The following MGAM variants were observed in gnomAD, a reference collection of about 807,000 sequenced individuals.
MGAM encodes the protein alpha-1,4-glucosidase.
A neutral mutation model predicts 358.8 loss-of-function variants in MGAM; 253 were observed. That is an observed-to-expected ratio of 0.71 (90% CI 0.64 to 0.78). The LOEUF (loss-of-function observed/expected upper bound fraction) is 0.78, where lower values mean the gene tolerates loss of function less well. Ranked by LOEUF, MGAM falls within the 30% of genes least tolerant of loss-of-function variation. The pLI is 0.00. For synonymous variants in MGAM, 1,105 were observed against 1,227.1 expected, an observed-to-expected ratio of 0.90 and a Z score of 2.08; for missense variants, 3,080 against 3,432.6, an observed-to-expected ratio of 0.90 and a Z score of 2.57.
Position 142,094,755 on chromosome 7 carries a change from A to G in MGAM, c.7350A>G (p.Ala2450=). Residue 2450 remains alanine (A), a synonymous_variant, in exon 63 of 71, where the codon GCA becomes GCG. Coordinates refer to ENST00000475668, the MANE Select transcript of MGAM (RefSeq NM_001365693.1). ...FSLFGISYTG[A]DICGFFQDAE... is the part of the protein sequence containing the mutation. The stretch of plus-strand genomic sequence containing the variant: ...ATTTCCTCTTGTTTCAGACGGGAGC[A>G]GATATCTGTGGGTTCTTTCAAGATG... 1.2e-6 allele frequency: 2 copies of G among 1,613,784 alleles called. No individual in the cohort carries two copies. The highest frequency in any genetic ancestry group is 2.2e-5 in the South Asian group (2 of 91,074).
Position 142,097,983 on chromosome 7 carries a change from A to G in MGAM, c.7749+334A>G, listed in dbSNP as rs539857088. On this transcript the variant is annotated intron_variant, in intron 66 of 70. Transcript: ENST00000475668. ...CTTTTGAGATTGTGTTGCAAACTAT[A>G]GTTTTTGTTTTTAATGTTTATATCT... is the stretch of plus-strand genomic sequence containing the variant. Among the ~76,000 whole-genome samples the G allele has an allele frequency of 2.6e-5, 4 of 152,288 alleles. No individual in the cohort carries two copies. The South Asian group carries it at 8.3e-4, about 32-fold the overall frequency.
At chr7:142,016,571 G>T (rs1554456262) in intron 3 of MGAM, among the ~76,000 whole-genome samples, 1 of 151,856 alleles carries the variant, frequency 6.6e-6, no homozygotes, top group Admixed American at 6.6e-5. Context: ...AAGTCTATTT[G>T]CCTGATATTA....
In MGAM at chr7:142,090,229, G is replaced by C. The variant is rs1355296058; in HGVS notation, c.6811-1684G>C. 1.5e-4 allele frequency among the ~76,000 whole-genome samples: 22 copies of C among 145,806 alleles called. 4 individuals carry two copies. The highest frequency in any genetic ancestry group is 7.8e-5 in the Non-Finnish European group (5 of 64,392). ...CAGAACATTTTTATGAAGTTGGAAGGGGTCATCCGAGCAGTACTTAGGGAA... is the reference window on the plus strand; with the variant it reads ...CAGAACATTTTTATGAAGTTGGAAGCGGTCATCCGAGCAGTACTTAGGGAA... On this transcript the variant is annotated intron_variant, in intron 57 of 70. Coordinates refer to ENST00000475668, the MANE Select transcript of MGAM (RefSeq NM_001365693.1).
At chr7:142,026,013 A>G (rs1806931435) in intron 8 of MGAM, among the ~76,000 whole-genome samples, 1 of 152,176 alleles carries the variant, frequency 6.6e-6, no homozygotes, top group Non-Finnish European at 1.5e-5. Context: ...AAATAAGATG[A>G]GTCAGACTTA....
In MGAM at chr7:142,051,084, T is replaced by C. The variant is rs567333964; in HGVS notation, c.2805+220T>C. Among the ~76,000 whole-genome samples, 148 of 152,136 alleles carry C rather than the reference T, an allele frequency of 9.7e-4. 2 individuals are homozygous for C. The East Asian group carries it at 0.022, about 22-fold the overall frequency. ...TCTCTGCCTATCAGTGTTCCCGTCT[T>C]TCTAGCTGGTTTCACTTGCTTTTCC... On this transcript the variant is annotated intron_variant, in intron 24 of 70. Coordinates refer to ENST00000475668, the MANE Select transcript of MGAM (RefSeq NM_001365693.1).
intron 34 of MGAM, among the ~76,000 whole-genome samples, chr7:142,061,315 G>A (rs1428235277): frequency 3.9e-5 from 6 of 152,024 alleles, no homozygotes; most frequent in South Asian, 4.2e-4. Context: ...CCATCCCGTC[G>A]TTTCTAACCC....
rs773358481 is a variant in MGAM at position 142,084,529 on chromosome 7, G to A, written c.6392G>A (p.Arg2131Gln). 2.1e-5 allele frequency: 32 copies of A among 1,555,064 alleles called. 6 individuals carry two copies. Among genetic ancestry groups the A allele is most frequent in the Non-Finnish European group, 2.7e-5 (30 of 1,132,006 alleles). ...CTGTCTATTTTCTAGTTGATTGGCC[G>A]GCCTGTGATGGTACCTTACTGGTCT... ...VTQQYTELIG[R>Q]PVMVPYWSLG... The change falls in exon 54 of 71, where the codon CGG (arginine) becomes CAG (glutamine). Residue 2131 changes from arginine to glutamine, a missense_variant. Around this residue, in one of 5 missense-constraint regions of MGAM, gnomAD observed 932 missense variants for 1,198.2 expected, o/e 0.78. Coordinates refer to ENST00000475668, the MANE Select transcript of MGAM (RefSeq NM_001365693.1).
chr7:141,994,349 C>T (rs1375328437), upstream of MGAM, among the ~76,000 whole-genome samples: 1 of 152,136 alleles, frequency 6.6e-6, no homozygotes, highest in Non-Finnish European at 1.5e-5. Flanking sequence ...TCCCCTCTCC[C>T]TCAGGATTCA....
intron 57 of MGAM, among the ~76,000 whole-genome samples, chr7:142,088,783 A>ATCAT (rs1563214248): frequency 1.4e-4 from 18 of 125,558 alleles, no homozygotes; most frequent in African/African-American, 4.4e-4. Flanking sequence ...CTATCTATCT[A>ATCAT]TCTATCTATC....
intron 14 of MGAM, 55 bp downstream of exon 14, chr7:142,032,964 T>C: frequency 7.9e-7 from 1 of 1,265,180 alleles, no homozygotes; most frequent in Non-Finnish European, 1.1e-6. Flanking sequence ...ATATTATAAA[T>C]TCATAAGGAC....
rs1585068197 is a variant in MGAM at position 142,078,309 on chromosome 7, T to C, written c.5494-9T>C. The C allele has an allele frequency of 1.4e-5, 21 of 1,451,582 alleles. 6 individuals carry two copies. The highest frequency in any genetic ancestry group is 2.0e-5 in the Non-Finnish European group (21 of 1,075,884). The allele number at this position is 1,451,582 out of a possible 1,614,324, so 89.9% of individuals were successfully genotyped here. A position where few individuals can be genotyped will look rare whatever the true frequency, so the allele number is the denominator to read the frequency against. On this transcript the variant is annotated splice_polypyrimidine_tract_variant and intron_variant, in intron 47 of 70. Transcript: ENST00000475668. ...GATGAATTTCCTTGTGATTTCTGCA[T>C]TCCTACAGGTCGCCATTATCACAGA...
chr7:142,077,928 G>C lies in MGAM; in HGVS notation c.5494-390G>C, dbSNP rs1813877387. Among the ~76,000 whole-genome samples the C allele has an allele frequency of 2.1e-5, 3 of 145,960 alleles. 1 individual carries two copies. The East Asian group carries it at 6.1e-4, about 30-fold the overall frequency. On this transcript the variant is annotated intron_variant, in intron 47 of 70. Transcript: ENST00000475668. ...TGCTGGTTTGGGGACTGGAGAGCAA[G>C]AGGATCAGCTCACTTTGAGATGACA...
chr7:142,007,829 T>G (rs1805289740), intron 2 of MGAM, among the ~76,000 whole-genome samples: 1 of 152,164 alleles, frequency 6.6e-6, no homozygotes, highest in Admixed American at 6.5e-5. Context: ...AGAATGGCAT[T>G]GCTCAGAAGC....
At position 142,045,848 on chromosome 7, in the gene MGAM, GT is replaced by G. The variant is rs1563159569; in HGVS notation, c.2499-1936del. Among the ~76,000 whole-genome samples, 60 of 115,416 alleles carry G rather than the reference GT, an allele frequency of 5.2e-4. 11 individuals are homozygous for G. Among genetic ancestry groups the G allele is most frequent in the African/African-American group, 2.0e-3 (55 of 27,648 alleles). The allele number at this position is 115,416 out of a possible 152,430, so 75.7% of individuals were successfully genotyped here. ...TATATATTATATATACATACAATAT[GT>G]AATATATATATTATATATACATACA... On this transcript the variant is annotated intron_variant, in intron 21 of 70. Coordinates refer to ENST00000475668, the MANE Select transcript of MGAM (RefSeq NM_001365693.1).
chr7:142,086,517 C>T, intron 56 of MGAM, 138 bp from the exon 57 acceptor site: 1 of 584,520 alleles, frequency 1.7e-6, no homozygotes, highest in South Asian at 2.2e-5. Flanking sequence ...TTACGGAATT[C>T]ACTTCTCTTT....
At chr7:142,004,975 G>T (rs1289438500) in intron 1 of MGAM, among the ~76,000 whole-genome samples, 2 of 151,920 alleles carry the variant, frequency 1.3e-5, no homozygotes, top group Non-Finnish European at 2.9e-5. Flanking sequence ...TAATTTACAG[G>T]AACTATAAGG....
At chr7:142,009,671 A>G (rs539389014) in intron 3 of MGAM, among the ~76,000 whole-genome samples, 1 of 152,304 alleles carries the variant, frequency 6.6e-6, no homozygotes, top group East Asian at 1.9e-4. Context: ...TCTACATGTC[A>G]TATCTAACTG....
intron 42 of MGAM, among the ~76,000 whole-genome samples, chr7:142,067,941 T>TATATATATATATATTTATATATAA (rs1563190779): frequency 6.9e-4 from 26 of 37,460 alleles, no homozygotes; most frequent in Admixed American, 2.2e-3. Flanking sequence ...CTCAAATATA[T>TATATATATATATATTTATATATAA]ATATATATAT....
chr7:142,105,991 A>G lies in MGAM; in HGVS notation c.*100A>G, dbSNP rs1180294857. On this transcript the variant is annotated 3_prime_UTR_variant, in exon 71 of 71. Transcript: ENST00000475668. ...GTGTGTTGCTAATTTGTTCATACCC[A>G]CTATTGGTGAAATATTTCTGTTAAT... 1.1e-6 allele frequency: 1 copy of G among 894,308 alleles called. No individual in the cohort carries two copies. 55.4% of individuals were successfully genotyped at this position (894,308 alleles called of 1,614,324 possible). A position where few individuals can be genotyped will look rare whatever the true frequency, so the allele number is the denominator to read the frequency against.
Sources: allele counts gnomAD v4.1 joint callset (sites outside exome capture counted in the v4.1 genomes callset), GRCh38; gene constraint gnomAD v4.1.1; regional missense constraint gnomAD v4.1.1; transcripts MANE v1.5; gene names NCBI Gene and HGNC (gene_info 2026-07-23, HGNC 2026-07-21).